Variants in CDH2 observed in about 807,000 individuals in gnomAD.
CDH2 encodes cadherin-2.
A neutral mutation model predicts 92.0 loss-of-function variants in CDH2; 17 were observed. The observed-to-expected ratio is 0.18, with a 90% CI of 0.13 to 0.28. CDH2 has a LOEUF of 0.28. CDH2 is among the 10% of genes least tolerant of loss of function. The pLI is 1.00. For missense variants in CDH2, 862 were observed against 1,133.1 expected, an observed-to-expected ratio of 0.76 and a Z score of 3.44; for synonymous variants, 419 against 415.9, an observed-to-expected ratio of 1.01 and a Z score of -0.09.
chr18:27,975,271 A>G (rs879657221), intron 14 of CDH2, among the ~76,000 whole-genome samples: 17 of 152,320 alleles, frequency 1.1e-4, no homozygotes, highest in South Asian at 2.1e-4. Context: ...GATCAAGAGA[A>G]AACTGATGTG....
At chr18:28,073,261 T>C (rs2014655308) in intron 2 of CDH2, among the ~76,000 whole-genome samples, 1 of 152,192 alleles carries the variant, frequency 6.6e-6, no homozygotes, top group African/African-American at 2.4e-5. Context: ...ATGTTTTCAA[T>C]GTAGAGAAGT....
At chr18:27,993,883 G>A (rs1216609872) in intron 7 of CDH2, among the ~76,000 whole-genome samples, 2 of 152,202 alleles carry the variant, frequency 1.3e-5, no homozygotes, top group Non-Finnish European at 2.9e-5. Flanking sequence ...GCAGATGTGT[G>A]AAATTCACAG....
At chr18:27,987,244 G>A (rs1171563830) in intron 11 of CDH2, among the ~76,000 whole-genome samples, 2 of 152,034 alleles carry the variant, frequency 1.3e-5, no homozygotes, top group South Asian at 2.1e-4. Flanking sequence ...AGAAAGCCAC[G>A]GTTTATGGCA....
chr18:28,157,841 C>A (rs1201321468), intron 1 of CDH2, among the ~76,000 whole-genome samples: 1 of 151,976 alleles, frequency 6.6e-6, no homozygotes, highest in Non-Finnish European at 1.5e-5. Flanking sequence ...GTTTTAAGTC[C>A]TCCAAATCAA....
chr18:27,961,435 C>T (rs1460987632), intron 15 of CDH2, among the ~76,000 whole-genome samples: 1 of 151,994 alleles, frequency 6.6e-6, no homozygotes, highest in African/African-American at 2.4e-5. Flanking sequence ...CAAGGAAGGC[C>T]TCACAGAGAA....
chr18:28,039,203 T>C (rs1184783746), intron 2 of CDH2, among the ~76,000 whole-genome samples: 1 of 152,038 alleles, frequency 6.6e-6, no homozygotes, highest in Non-Finnish European at 1.5e-5. Flanking sequence ...GTCCATAACC[T>C]ACTGCTTAGC....
intron 2 of CDH2, among the ~76,000 whole-genome samples, chr18:28,080,324 A>C (rs1453413933): frequency 6.6e-6 from 1 of 152,190 alleles, no homozygotes; most frequent in Non-Finnish European, 1.5e-5. Flanking sequence ...CCTATTTAAT[A>C]AGGCAATTTG....
At chr18:28,138,914 TCTC>T (rs910094338) in intron 2 of CDH2, among the ~76,000 whole-genome samples, 6 of 152,010 alleles carry the variant, frequency 3.9e-5, no homozygotes, top group Non-Finnish European at 7.4e-5. Context: ...AAGAGAGTGA[TCTC>T]CTCCTCATTT....
chr18:28,005,692 T>C (rs1371699070), intron 6 of CDH2, among the ~76,000 whole-genome samples, 157 bp downstream of exon 6: 1 of 152,210 alleles, frequency 6.6e-6, no homozygotes, highest in Non-Finnish European at 1.5e-5. Context: ...CAATTGGTTT[T>C]TCCCTAAGTT....
intron 14 of CDH2, among the ~76,000 whole-genome samples, chr18:27,977,765 C>A (rs1189447059): frequency 3.9e-5 from 6 of 152,080 alleles, no homozygotes; most frequent in Non-Finnish European, 5.9e-5. Flanking sequence ...TCAGAAACAG[C>A]AAAAATTATT....
intron 7 of CDH2, among the ~76,000 whole-genome samples, chr18:27,995,678 T>C (rs1318810274): frequency 6.6e-6 from 1 of 152,220 alleles, no homozygotes; most frequent in Non-Finnish European, 1.5e-5. Context: ...ATCCAATAAT[T>C]TTCCATTGAT....
chr18:28,037,401 C>G (rs1166346648), intron 2 of CDH2, among the ~76,000 whole-genome samples: 2 of 152,088 alleles, frequency 1.3e-5, no homozygotes, highest in Admixed American at 1.3e-4. Context: ...TGTCAGATGT[C>G]TTGTTTTTAA....
intron 2 of CDH2, among the ~76,000 whole-genome samples, chr18:28,139,334 A>G (rs1043948738): frequency 6.6e-6 from 1 of 151,908 alleles, no homozygotes; most frequent in Non-Finnish European, 1.5e-5. Flanking sequence ...TTACACAAAC[A>G]TATTGTAACT....
chr18:27,994,157 T>C (rs2012510594), intron 7 of CDH2, among the ~76,000 whole-genome samples: 1 of 152,236 alleles, frequency 6.6e-6, no homozygotes. Context: ...TTAAATTCTA[T>C]TGATACATAT....
chr18:28,013,815 G>T lies in CDH2; in HGVS notation c.267C>A (p.Ala89=). The change falls in exon 3 of 16, where the codon GCC becomes GCA. Residue 89 remains alanine (A), a synonymous_variant. Coordinates refer to ENST00000269141, the MANE Select transcript of CDH2 (RefSeq NM_001792.5). The part of the protein sequence containing the change: ...FKVDEDGMVY[A]VRSFPLSSEH... ...CAGAAGAGAGTGGAAAGCTTCTCAC[G>T]GCATACACCATGCCATCTTCATCCA... is the stretch of plus-strand genomic sequence containing the variant. 2 of 1,613,778 alleles carry T rather than the reference G, an allele frequency of 1.2e-6. No homozygotes were observed. The highest frequency in any genetic ancestry group is 1.7e-6 in the Non-Finnish European group (2 of 1,179,860).
At chr18:28,035,872 G>A (rs2013813926) in intron 2 of CDH2, among the ~76,000 whole-genome samples, 1 of 152,018 alleles carries the variant, frequency 6.6e-6, no homozygotes, top group Non-Finnish European at 1.5e-5. Context: ...TATTTCACCA[G>A]CAAGGAAGAC....
chr18:28,176,343 G>A (rs958192045), intron 1 of CDH2, among the ~76,000 whole-genome samples: 1 of 152,174 alleles, frequency 6.6e-6, no homozygotes, highest in Admixed American at 6.5e-5. Flanking sequence ...CCGGGCAAGA[G>A]GGCCAGATTT....
rs779369100 is a variant in CDH2 at position 27,988,678 on chromosome 18, A to G, written c.1599-12T>C. 7 of 1,577,542 alleles carry G rather than the reference A, an allele frequency of 4.4e-6. No individual in the cohort carries two copies. The highest frequency in any genetic ancestry group is 1.7e-6 in the Non-Finnish European group (2 of 1,152,422). On this transcript the variant is annotated splice_polypyrimidine_tract_variant and intron_variant, in intron 10 of 15. Transcript: ENST00000269141. Reference sequence around the variant, plus strand: ...ATAATTTAGTGTATCTACAAAATGAAAGTGAAGTTTAATTTCTTTTTATGA... The same window carrying G: ...ATAATTTAGTGTATCTACAAAATGAGAGTGAAGTTTAATTTCTTTTTATGA...
intron 1 of CDH2, among the ~76,000 whole-genome samples, chr18:28,159,695 C>T (rs1436678666): frequency 6.8e-5 from 10 of 146,818 alleles, no homozygotes; most frequent in African/African-American, 2.6e-4. Context: ...CTCACTCTGT[C>T]ACCCAGGCTG....
Sources: allele counts gnomAD v4.1 joint callset (sites outside exome capture counted in the v4.1 genomes callset), GRCh38; gene constraint gnomAD v4.1.1; transcripts MANE v1.5; gene names NCBI Gene and HGNC (gene_info 2026-07-23, HGNC 2026-07-21).